Variants in C1orf146 observed in about 807,000 individuals in gnomAD.
The protein encoded by C1orf146 is chromosome 1 open reading frame 146.
C1orf146 carries 22 observed loss-of-function variants against 23.0 expected under a neutral mutation model. That is an observed-to-expected ratio of 0.96 (90% CI 0.68 to 1.36). The LOEUF is 1.36. Ranked by LOEUF, C1orf146 falls within the 40% of genes most tolerant of loss-of-function variation. C1orf146 has a pLI of 0.00. For synonymous variants in C1orf146, 59 were observed against 65.3 expected, an observed-to-expected ratio of 0.90 and a Z score of 0.47; for missense variants, 199 against 206.8, an observed-to-expected ratio of 0.96 and a Z score of 0.23.
rs985901082 is a variant in C1orf146, at chr1:92,245,456, A to C, written c.409-84A>C. The C allele has an allele frequency of 1.2e-5, 13 of 1,062,114 alleles. No individual in the cohort carries two copies. The African/African-American group carries it at 1.5e-4, about 12-fold the overall frequency. The allele number at this position is 1,062,114 out of a possible 1,614,324, so 65.8% of individuals were successfully genotyped here. ...GATGATCAAGAGATTTGCTGAAAGA[A>C]TGAAAGTCAGGTATTTTTAAATGTG... On this transcript the variant is annotated intron_variant, in intron 5 of 5. Coordinates refer to ENST00000370375, the MANE Select transcript of C1orf146 (RefSeq NM_001012425.2).
chr1:92,239,246 A>G (rs1017191984), intron 2 of C1orf146, among the ~76,000 whole-genome samples: 4 of 151,674 alleles, frequency 2.6e-5, no homozygotes, highest in Middle Eastern at 6.4e-3. Flanking sequence ...TCTGTTCTCT[A>G]TTGTTTCTGA....
intron 1 of C1orf146, among the ~76,000 whole-genome samples, chr1:92,224,423 T>C (rs1295187594): frequency 6.6e-6 from 1 of 152,228 alleles, no homozygotes; most frequent in Non-Finnish European, 1.5e-5. Flanking sequence ...TCTGGTGTCA[T>C]ACTAAAAATT....
chr1:92,219,487 T>C (rs975735694), intron 1 of C1orf146, among the ~76,000 whole-genome samples: 1 of 130,214 alleles, frequency 7.7e-6, no homozygotes, highest in Non-Finnish European at 1.6e-5. Context: ...TGAAAGTGAC[T>C]TTCTCTTTCT....
chr1:92,244,661 C>A, intron 4 of C1orf146, 118 bp from the exon 5 acceptor site: 1 of 680,100 alleles, frequency 1.5e-6, no homozygotes, highest in Non-Finnish European at 2.5e-6. Flanking sequence ...TGGAGTAAGG[C>A]AGGGCATGAA....
intron 1 of C1orf146, among the ~76,000 whole-genome samples, chr1:92,224,890 G>A (rs185961454): frequency 1.3e-5 from 2 of 151,914 alleles, no homozygotes; most frequent in African/African-American, 2.4e-5. Flanking sequence ...CTACAGGCGC[G>A]TGCCACCACG....
chr1:92,228,824 A>C (rs1652032840), intron 1 of C1orf146, among the ~76,000 whole-genome samples: 1 of 152,224 alleles, frequency 6.6e-6, no homozygotes, highest in Non-Finnish European at 1.5e-5. Flanking sequence ...ACTTGAATAC[A>C]AGGTCAAAAT....
At chr1:92,236,800 G>A (rs1043415196) in intron 2 of C1orf146, among the ~76,000 whole-genome samples, 3 of 152,176 alleles carry the variant, frequency 2.0e-5, no homozygotes, top group Admixed American at 1.3e-4. Flanking sequence ...TGCTGGATTT[G>A]TTCGTTTCTT....
rs1335174551 is a variant in C1orf146 at position 92,245,006 on chromosome 1, C to CT, written c.408+150dup. The CT allele has an allele frequency of 4.2e-5, 23 of 542,430 alleles. No individual in the cohort carries two copies. In the East Asian group the frequency reaches 6.4e-4, roughly 15 times the overall value. The allele number at this position is 542,430 out of a possible 1,614,324, so 33.6% of individuals were successfully genotyped here. A position where few individuals can be genotyped will look rare whatever the true frequency, so the allele number is the denominator to read the frequency against. ...TTCAGGGTGCAACTTTTTCCCAAGCCTAACTCTCTTAAGTCTTCTCAATTT... is the reference window on the plus strand; with the variant it reads ...TTCAGGGTGCAACTTTTTCCCAAGCCTTAACTCTCTTAAGTCTTCTCAATTT... On this transcript the variant is annotated intron_variant, in intron 5 of 5. Coordinates refer to ENST00000370375, the MANE Select transcript of C1orf146 (RefSeq NM_001012425.2).
intron 1 of C1orf146, among the ~76,000 whole-genome samples, chr1:92,228,279 C>G (rs1652019112): frequency 6.6e-6 from 1 of 152,152 alleles, no homozygotes; most frequent in Non-Finnish European, 1.5e-5. Flanking sequence ...TCATATACTG[C>G]TTTGAACAAA....
At chr1:92,245,497 CT>C in intron 5 of C1orf146, 42 bp from the exon 6 acceptor site, 1 of 1,488,120 alleles carries the variant, frequency 6.7e-7, no homozygotes, top group Non-Finnish European at 9.1e-7. Flanking sequence ...GTGAAAATAC[CT>C]TATTTCTGTA....
chr1:92,224,888 G>A (rs189580584), intron 1 of C1orf146, among the ~76,000 whole-genome samples: 4 of 151,950 alleles, frequency 2.6e-5, no homozygotes, highest in East Asian at 1.9e-4. Context: ...GACTACAGGC[G>A]CGTGCCACCA....
At chr1:92,229,513 G>C in intron 1 of C1orf146, 1 of 424,266 alleles carries the variant, frequency 2.4e-6, no homozygotes, top group South Asian at 2.0e-5. Flanking sequence ...TTCTGGACCT[G>C]ATCCGGAAGT....
At chr1:92,226,399 G>GCACA (rs368243079) in intron 1 of C1orf146, among the ~76,000 whole-genome samples, 2 of 146,220 alleles carry the variant, frequency 1.4e-5, no homozygotes, top group Admixed American at 6.8e-5. Flanking sequence ...ATGCACGCAT[G>GCACA]CACACACACA....
intron 2 of C1orf146, among the ~76,000 whole-genome samples, chr1:92,232,974 G>A (rs931581561): frequency 2.0e-5 from 3 of 151,900 alleles, no homozygotes; most frequent in East Asian, 1.9e-4. Context: ...TTTTCTTGTA[G>A]ATTTGTTTGA....
At chr1:92,218,275 T>G (rs578239239) in intron 1 of C1orf146, among the ~76,000 whole-genome samples, 2 of 152,226 alleles carry the variant, frequency 1.3e-5, no homozygotes, top group East Asian at 1.9e-4. Context: ...GTCACCCACC[T>G]GCGAGTGTAA....
intron 1 of C1orf146, chr1:92,228,936 T>C (rs1557486752): frequency 2.4e-6 from 1 of 420,038 alleles, no homozygotes; most frequent in Non-Finnish European, 4.6e-6. Context: ...GCATGAGATG[T>C]ATGCATTTGC....
intron 2 of C1orf146, among the ~76,000 whole-genome samples, chr1:92,237,105 T>G (rs904259998): frequency 1.3e-5 from 2 of 152,238 alleles, no homozygotes; most frequent in African/African-American, 4.8e-5. Flanking sequence ...TTCTCTCAAC[T>G]CGTTAAAGTC....
chr1:92,229,402 C>A (rs1485280546), intron 1 of C1orf146: 2 of 535,740 alleles, frequency 3.7e-6, no homozygotes, highest in East Asian at 5.0e-5. Flanking sequence ...ATGGTGATGA[C>A]CTGGCCGTCG....
Position 92,227,715 on chromosome 1 carries a change from A to C in C1orf146, c.-39-3667A>C, listed in dbSNP as rs1652003012. 2.0e-5 allele frequency among the ~76,000 whole-genome samples: 3 copies of C among 152,008 alleles called. No homozygotes were observed. The South Asian group carries it at 6.2e-4, about 32-fold the overall frequency. ...CCTATGTTGACAATTATTTCCTTTCACCACTTAAAAGCTATTATTCAGTTG... is the reference window on the plus strand; with the variant it reads ...CCTATGTTGACAATTATTTCCTTTCCCCACTTAAAAGCTATTATTCAGTTG... On this transcript the variant is annotated intron_variant, in intron 1 of 5. Transcript: ENST00000370375.
Sources: gnomAD v4.1 joint callset for allele counts (sites outside exome capture counted in the v4.1 genomes callset) on GRCh38, gnomAD v4.1.1 for gene constraint, MANE v1.5 for transcripts, NCBI Gene and HGNC (gene_info 2026-07-23, HGNC 2026-07-21) for gene names.